The following ST8SIA6 variants were observed in gnomAD, a reference collection of about 807,000 sequenced individuals.
ST8SIA6 encodes alpha-2,8-sialyltransferase 8F.
ST8SIA6 carries 39 observed loss-of-function variants against 33.6 expected under a neutral mutation model. The observed-to-expected ratio is 1.16, with a 90% CI of 0.90 to 1.52. The LOEUF is 1.52. Ranked by LOEUF, ST8SIA6 falls within the 40% of genes most tolerant of loss-of-function variation. ST8SIA6 has a pLI of 0.00. For missense variants in ST8SIA6, 441 were observed against 443.8 expected (o/e 0.99, Z 0.06); for synonymous variants, 172 against 167.2 (o/e 1.03, Z -0.22).
At chr10:17,386,139 C>A (rs1415865626) in intron 3 of ST8SIA6, among the ~76,000 whole-genome samples, 1 of 151,854 alleles carries the variant, frequency 6.6e-6, no homozygotes, top group Non-Finnish European at 1.5e-5. Context: ...TGTGTTCGTG[C>A]CACTGCACTC....
intron 3 of ST8SIA6, among the ~76,000 whole-genome samples, chr10:17,386,053 C>T (rs1269549801): frequency 2.6e-5 from 4 of 152,118 alleles, no homozygotes; most frequent in Non-Finnish European, 4.4e-5. Context: ...TGGTGGCACG[C>T]ACCTGTCTTC....
chr10:17,451,421 G>C (rs79261008), intron 2 of ST8SIA6, among the ~76,000 whole-genome samples: 3 of 152,204 alleles, frequency 2.0e-5, no homozygotes, highest in African/African-American at 4.8e-5. Context: ...AGAAAGGTGG[G>C]AGAGTGAGAG....
At chr10:17,376,656 TA>T (rs1849925468) in intron 3 of ST8SIA6, among the ~76,000 whole-genome samples, 1 of 152,194 alleles carries the variant, frequency 6.6e-6, no homozygotes, top group African/African-American at 2.4e-5. Flanking sequence ...GACATTTTTC[TA>T]AAAATACAGG....
chr10:17,404,064 C>CAAA (rs964237726), intron 2 of ST8SIA6, among the ~76,000 whole-genome samples: 25 of 56,304 alleles, frequency 4.4e-4, no homozygotes, highest in South Asian at 6.1e-4. Flanking sequence ...GACACTGTCT[C>CAAA]AAAAAAAAAA....
chr10:17,323,135 C>T lies in ST8SIA6; in HGVS notation c.658G>A (p.Gly220Arg). The part of the protein sequence containing the change: ...VFRCNLPPTT[G>R]DVSKDVGSKT... Reference sequence around the variant, plus strand: ...CTGCCAACATCTTTACTAACATCTCCTGTGGTTGGGGGTAGGTTACACCTG... The same window carrying T: ...CTGCCAACATCTTTACTAACATCTCTTGTGGTTGGGGGTAGGTTACACCTG... The change falls in exon 7 of 8, where the codon GGA becomes AGA. Residue 220 changes from glycine to arginine, a missense_variant. Transcript: ENST00000377602. 1 of 1,613,538 alleles carries T rather than the reference C, an allele frequency of 6.2e-7. No homozygotes were observed. Among genetic ancestry groups the T allele is most frequent in the Non-Finnish European group, 8.5e-7 (1 of 1,179,726 alleles).
intron 4 of ST8SIA6, among the ~76,000 whole-genome samples, chr10:17,333,713 A>C (rs1328552372): frequency 3.9e-5 from 1 of 25,690 alleles, no homozygotes; most frequent in African/African-American, 2.2e-4. Context: ...ATATATATAT[A>C]TATATTTTTT....
intron 2 of ST8SIA6, among the ~76,000 whole-genome samples, chr10:17,437,290 G>A (rs140091975): frequency 0.015 from 2,292 of 152,224 alleles, 28 homozygotes; most frequent in Non-Finnish European, 0.023. Flanking sequence ...CTGCCAAGTA[G>A]TTGGGACTAC....
chr10:17,377,558 G>A lies in ST8SIA6; in HGVS notation c.290+12973C>T, dbSNP rs146512170. Among the ~76,000 whole-genome samples the A allele has an allele frequency of 1.6e-3, 238 of 152,246 alleles. 1 individual carries two copies. The highest frequency in any genetic ancestry group is 6.8e-3 in the Middle Eastern group (2 of 294). ...ACAAGACATTGTCCCATTCATTTTG[G>A]AGCTCAAAATCTGAAACACAGAATA... On this transcript the variant is annotated intron_variant, in intron 3 of 7. Coordinates refer to ENST00000377602, the MANE Select transcript of ST8SIA6 (RefSeq NM_001004470.3).
At chr10:17,337,340 C>A (rs1271630963) in intron 4 of ST8SIA6, among the ~76,000 whole-genome samples, 1 of 152,144 alleles carries the variant, frequency 6.6e-6, no homozygotes, top group African/African-American at 2.4e-5. Flanking sequence ...CAGACTAATA[C>A]ACCTTGTGTA....
chr10:17,405,338 T>C (rs1851216358), intron 2 of ST8SIA6, among the ~76,000 whole-genome samples: 1 of 151,010 alleles, frequency 6.6e-6, no homozygotes, highest in African/African-American at 2.4e-5. Flanking sequence ...ACCACTGAAA[T>C]CCTGGGCAAC....
rs1342472015 is a variant in ST8SIA6 at position 17,377,069 on chromosome 10, C to T, written c.290+13462G>A. Reference sequence around the variant, plus strand: ...GAACCACAAAAGAAGTGAAAATAGCCAATTCCTGCCTTTACTGATGACATT... The same window carrying T: ...GAACCACAAAAGAAGTGAAAATAGCTAATTCCTGCCTTTACTGATGACATT... On this transcript the variant is annotated intron_variant, in intron 3 of 7. Coordinates refer to ENST00000377602, the MANE Select transcript of ST8SIA6 (RefSeq NM_001004470.3). Among the ~76,000 whole-genome samples the T allele has an allele frequency of 2.0e-5, 3 of 152,224 alleles. No homozygotes were observed. The South Asian group carries it at 6.2e-4, about 32-fold the overall frequency.
chr10:17,354,304 G>T (rs1430413786), intron 4 of ST8SIA6, among the ~76,000 whole-genome samples: 2 of 152,116 alleles, frequency 1.3e-5, no homozygotes, highest in Non-Finnish European at 2.9e-5. Context: ...TTATCCATCA[G>T]TTTTCTAAAA....
At chr10:17,338,926 A>G (rs998217207) in intron 4 of ST8SIA6, among the ~76,000 whole-genome samples, 4 of 152,154 alleles carry the variant, frequency 2.6e-5, no homozygotes, top group Non-Finnish European at 5.9e-5. Context: ...GAGTTCATAT[A>G]CTTTGAAAAA....
At chr10:17,361,510 C>A (rs1369309913) in intron 3 of ST8SIA6, among the ~76,000 whole-genome samples, 2 of 108,284 alleles carry the variant, frequency 1.8e-5, no homozygotes, top group African/African-American at 8.2e-5. Context: ...TAAAATTCTT[C>A]CTACAAAACA....
At chr10:17,325,168 G>A (rs1472304854) in intron 6 of ST8SIA6, among the ~76,000 whole-genome samples, 2 of 140,654 alleles carry the variant, frequency 1.4e-5, no homozygotes, top group East Asian at 4.1e-4. Flanking sequence ...TATATAATAT[G>A]TACATATGTA....
chr10:17,378,833 G>C (rs377666438), intron 3 of ST8SIA6, among the ~76,000 whole-genome samples: 16 of 152,076 alleles, frequency 1.1e-4, no homozygotes, highest in African/African-American at 3.9e-4. Flanking sequence ...GGGATTAAAG[G>C]AGGGACTTTT....
intron 3 of ST8SIA6, among the ~76,000 whole-genome samples, chr10:17,389,747 G>C (rs2131661089): frequency 6.6e-6 from 1 of 152,200 alleles, no homozygotes; most frequent in Non-Finnish European, 1.5e-5. Context: ...ATAGCATTCA[G>C]AATACATATC....
chr10:17,324,884 GTA>G (rs1242406275), intron 6 of ST8SIA6, among the ~76,000 whole-genome samples: 4 of 143,708 alleles, frequency 2.8e-5, no homozygotes, highest in African/African-American at 1.0e-4. Context: ...TGTAATATAT[GTA>G]TATTATATAT....
intron 4 of ST8SIA6, among the ~76,000 whole-genome samples, chr10:17,345,570 A>AAG (rs10615959): frequency 0.015 from 2,258 of 151,978 alleles, 56 homozygotes; most frequent in African/African-American, 0.051. Context: ...AAGCCTGGAG[A>AAG]AGAGAGAGAG....
Sources: allele counts gnomAD v4.1 joint callset (sites outside exome capture counted in the v4.1 genomes callset), GRCh38; gene constraint gnomAD v4.1.1; transcripts MANE v1.5; gene names NCBI Gene and HGNC (gene_info 2026-07-23, HGNC 2026-07-21).